The following RASGRF2 variants were observed in gnomAD, a reference collection of about 807,000 sequenced individuals.
RASGRF2 encodes the protein Ras protein specific guanine nucleotide releasing factor 2, also known as ras-specific guanine nucleotide-releasing factor 2.
A neutral mutation model predicts 151.0 loss-of-function variants in RASGRF2; 76 were observed. The observed-to-expected ratio is 0.50, with a 90% confidence interval of 0.42 to 0.61. The LOEUF is 0.61. RASGRF2 is among the 20% of genes least tolerant of loss of function. RASGRF2 has a pLI of 0.00. For missense variants in RASGRF2, 1,148 were observed against 1,564.6 expected (o/e 0.73, Z 4.49); for synonymous variants, 504 against 566.5 (o/e 0.89, Z 1.57).
intron 17 of RASGRF2, among the ~76,000 whole-genome samples, chr5:81,144,521 A>G (rs1249824784): frequency 6.6e-6 from 1 of 152,236 alleles, no homozygotes; most frequent in Admixed American, 6.5e-5. Flanking sequence ...TTGTAAATAC[A>G]TAGCAGTTAT....
intron 1 of RASGRF2, among the ~76,000 whole-genome samples, chr5:80,977,449 T>TTTCATTTATTTA (rs1748155765): frequency 6.7e-6 from 1 of 150,188 alleles, no homozygotes; most frequent in African/African-American, 2.5e-5. Context: ...GCTACCAAAA[T>TTTCATTTATTTA]TTTATTTATT....
chr5:81,182,204 G>A (rs550001369), intron 18 of RASGRF2, among the ~76,000 whole-genome samples: 2 of 152,336 alleles, frequency 1.3e-5, no homozygotes, highest in East Asian at 1.9e-4. Context: ...GGTGAGTGAT[G>A]TAAATAGCTC....
At chr5:81,178,779 C>T (rs915398739) in intron 17 of RASGRF2, among the ~76,000 whole-genome samples, 1 of 152,084 alleles carries the variant, frequency 6.6e-6, no homozygotes, top group Non-Finnish European at 1.5e-5. Context: ...CGCTCTGTCG[C>T]CCATGCTGGA....
intron 17 of RASGRF2, among the ~76,000 whole-genome samples, chr5:81,152,802 G>A (rs953687839): frequency 1.3e-5 from 2 of 152,188 alleles, no homozygotes; most frequent in Non-Finnish European, 1.5e-5. Flanking sequence ...GGTGTCTATG[G>A]CATTTTAGCC....
intron 1 of RASGRF2, among the ~76,000 whole-genome samples, chr5:81,005,987 G>A (rs903619978): frequency 6.6e-6 from 1 of 152,142 alleles, no homozygotes; most frequent in African/African-American, 2.4e-5. Flanking sequence ...CTTTAAGGTC[G>A]CTTCCAAGTT....
chr5:81,035,627 A>C (rs1163582043), intron 1 of RASGRF2, among the ~76,000 whole-genome samples: 2 of 152,140 alleles, frequency 1.3e-5, no homozygotes, highest in Non-Finnish European at 2.9e-5. Context: ...CAAAATTAAA[A>C]AAAAAACAAC....
intron 19 of RASGRF2, among the ~76,000 whole-genome samples, chr5:81,203,369 G>A (rs1348411520): frequency 2.0e-5 from 3 of 152,142 alleles, no homozygotes; most frequent in Non-Finnish European, 2.9e-5. Flanking sequence ...CCCTCAAGAC[G>A]CCCATGCCAG....
chr5:81,169,336 A>G (rs903889707), intron 17 of RASGRF2, among the ~76,000 whole-genome samples: 4 of 152,154 alleles, frequency 2.6e-5, no homozygotes, highest in African/African-American at 9.7e-5. Context: ...TAAAAAAACA[A>G]CGATTTATTT....
At chr5:81,174,593 A>C (rs1009951458) in intron 17 of RASGRF2, among the ~76,000 whole-genome samples, 2 of 152,226 alleles carry the variant, frequency 1.3e-5, no homozygotes, top group Non-Finnish European at 2.9e-5. Flanking sequence ...AGCAAAGCAC[A>C]AACTTGATTA....
chr5:81,188,469 G>T (rs116754382), intron 18 of RASGRF2, among the ~76,000 whole-genome samples: 2,693 of 152,274 alleles, frequency 0.018, 102 homozygotes, highest in African/African-American at 0.062. Flanking sequence ...TCATCTAGGA[G>T]CAGCCTGAAG....
At chr5:81,198,882 A>G (rs946919304) in intron 18 of RASGRF2, among the ~76,000 whole-genome samples, 1 of 152,222 alleles carries the variant, frequency 6.6e-6, no homozygotes, top group Admixed American at 6.5e-5. Flanking sequence ...ATGCAAGTAT[A>G]TGTCTCTTTT....
intron 18 of RASGRF2, among the ~76,000 whole-genome samples, chr5:81,198,087 C>T (rs1239841328): frequency 6.6e-6 from 1 of 151,996 alleles, no homozygotes; most frequent in East Asian, 1.9e-4. Flanking sequence ...CTCTCTCTCT[C>T]TCCCCAGACT....
chr5:81,115,749 G>A (rs1753133733), intron 15 of RASGRF2, among the ~76,000 whole-genome samples: 1 of 152,212 alleles, frequency 6.6e-6, no homozygotes, highest in Admixed American at 6.5e-5. Context: ...AAGAATCATT[G>A]AGTGAGCCTC....
chr5:80,996,146 C>A (rs554188165), intron 1 of RASGRF2, among the ~76,000 whole-genome samples: 2 of 152,022 alleles, frequency 1.3e-5, no homozygotes, highest in Non-Finnish European at 2.9e-5. Context: ...ACCTTTGAAC[C>A]TTAAATGTTT....
chr5:81,138,071 C>CT (rs57774433), intron 17 of RASGRF2, among the ~76,000 whole-genome samples: 114,198 of 152,102 alleles, frequency 0.75, 43,247 homozygotes, highest in African/African-American at 0.83. Flanking sequence ...CAACTTGGGG[C>CT]TCCCTAAGTA....
At chr5:81,209,418 A>G (rs1471831801) in intron 22 of RASGRF2, among the ~76,000 whole-genome samples, 1 of 152,222 alleles carries the variant, frequency 6.6e-6, no homozygotes, top group Non-Finnish European at 1.5e-5. Flanking sequence ...AAACTATAGT[A>G]AAAGGAATAA....
intron 17 of RASGRF2, among the ~76,000 whole-genome samples, chr5:81,179,377 T>G (rs1040492162): frequency 2.0e-5 from 3 of 152,204 alleles, no homozygotes; most frequent in African/African-American, 7.2e-5. Flanking sequence ...TATTATCTCA[T>G]GAGGAATGTG....
intron 3 of RASGRF2, 65 bp from the exon 4 acceptor site, chr5:81,070,427 T>C: frequency 7.4e-7 from 1 of 1,342,914 alleles, no homozygotes. Context: ...AGGCAGAGCT[T>C]CCTGTGTGTA....
At chr5:81,059,709 G>GT (rs1271300613) in intron 2 of RASGRF2, among the ~76,000 whole-genome samples, 1 of 151,940 alleles carries the variant, frequency 6.6e-6, no homozygotes, top group Non-Finnish European at 1.5e-5. Context: ...GCCAGGCATG[G>GT]TGGCGGGCAC....
Sources: allele counts gnomAD v4.1 joint callset (sites outside exome capture counted in the v4.1 genomes callset), GRCh38; gene constraint gnomAD v4.1.1; transcripts MANE v1.5; gene names NCBI Gene and HGNC (gene_info 2026-07-23, HGNC 2026-07-21).